The following FSTL4 variants were observed in gnomAD, a reference collection of about 807,000 sequenced individuals.
The protein encoded by FSTL4 is follistatin like 4, also known as follistatin-related protein 4.
A neutral mutation model predicts 78.2 loss-of-function variants in FSTL4; 28 were observed. The ratio of observed to expected loss-of-function variants is 0.36; its 90% CI spans 0.27 to 0.49. The LOEUF is 0.49. FSTL4 is among the 20% of genes least tolerant of loss of function. The probability of loss-of-function intolerance (pLI) is 0.98; values close to 1 mark genes in which losing one functional copy is unlikely to be tolerated. For synonymous variants in FSTL4, 422 were observed against 440.5 expected, an observed-to-expected ratio of 0.96 and a Z score of 0.53; for missense variants, 922 against 1,084.9, an observed-to-expected ratio of 0.85 and a Z score of 2.11.
intron 2 of FSTL4, among the ~76,000 whole-genome samples, chr5:133,601,942 T>A (rs1182121650): frequency 6.6e-6 from 1 of 151,830 alleles, no homozygotes; most frequent in Non-Finnish European, 1.5e-5. Context: ...CCTCGGCCTC[T>A]CAAACTGCTT....
At chr5:133,449,403 T>C (rs1052156544) in intron 3 of FSTL4, among the ~76,000 whole-genome samples, 5 of 152,218 alleles carry the variant, frequency 3.3e-5, no homozygotes, top group African/African-American at 1.2e-4. Context: ...GAGGCTGGCA[T>C]GACACTGTCA....
chr5:133,414,681 G>A (rs1756542204), intron 3 of FSTL4, among the ~76,000 whole-genome samples: 1 of 152,226 alleles, frequency 6.6e-6, no homozygotes, highest in Non-Finnish European at 1.5e-5. Context: ...GCAAAAGTCA[G>A]ATTATGACTT....
At chr5:133,378,762 C>T (rs1580662138) in intron 4 of FSTL4, among the ~76,000 whole-genome samples, 1 of 151,962 alleles carries the variant, frequency 6.6e-6, no homozygotes, top group Non-Finnish European at 1.5e-5. Flanking sequence ...TAAAAACACC[C>T]TCCAAAAATG....
chr5:133,684,248 G>C, the FSTL4 span, among the ~76,000 whole-genome samples: 1 of 152,258 alleles, frequency 6.6e-6, no homozygotes. Flanking sequence ...TGCTCACCTT[G>C]TCTGGGCAGC....
chr5:133,320,735 T>C (rs372510468), intron 4 of FSTL4, among the ~76,000 whole-genome samples: 143 of 152,120 alleles, frequency 9.4e-4, no homozygotes, highest in Middle Eastern at 3.4e-3. Flanking sequence ...TGGCTGGGCG[T>C]GGTGGCTCAC....
At chr5:133,490,132 TG>T (rs1277348730) in intron 3 of FSTL4, among the ~76,000 whole-genome samples, 4 of 146,276 alleles carry the variant, frequency 2.7e-5, no homozygotes, top group Non-Finnish European at 4.6e-5. Context: ...TTTGCCTCAT[TG>T]TTTTTTTTTT....
the FSTL4 span, among the ~76,000 whole-genome samples, chr5:133,760,019 C>G: frequency 1.3e-5 from 2 of 152,202 alleles, no homozygotes; most frequent in Non-Finnish European, 2.9e-5. Flanking sequence ...CCACTTCATC[C>G]CTACCCGGCT....
the FSTL4 span, among the ~76,000 whole-genome samples, chr5:133,682,321 A>AT: frequency 1.3e-5 from 2 of 152,174 alleles, no homozygotes; most frequent in African/African-American, 4.8e-5. Context: ...CAATCCCCCT[A>AT]GTCTGTCCCA....
intron 3 of FSTL4, among the ~76,000 whole-genome samples, chr5:133,518,940 A>G (rs755521827): frequency 6.6e-5 from 10 of 152,364 alleles, no homozygotes; most frequent in African/African-American, 9.6e-5. Context: ...TTAAATTAAC[A>G]ATAATCTTTG....
intron 4 of FSTL4, among the ~76,000 whole-genome samples, chr5:133,344,241 C>A (rs1043604813): frequency 6.6e-6 from 1 of 152,192 alleles, no homozygotes; most frequent in African/African-American, 2.4e-5. Context: ...AATTAAACAC[C>A]TTTCTTGCCC....
the FSTL4 span, among the ~76,000 whole-genome samples, chr5:133,678,913 C>G: frequency 6.6e-6 from 1 of 152,204 alleles, no homozygotes; most frequent in Non-Finnish European, 1.5e-5. Flanking sequence ...TGGCAGGATA[C>G]GGACAGAGAA....
chr5:133,561,088 CAAAATAATAA>C (rs1759902309), intron 3 of FSTL4, among the ~76,000 whole-genome samples: 1 of 117,734 alleles, frequency 8.5e-6, no homozygotes, highest in Admixed American at 9.2e-5. Context: ...CACTCGGACT[CAAAATAATAA>C]TAATAATAAT....
chr5:133,505,842 T>C (rs1292330071), intron 3 of FSTL4, among the ~76,000 whole-genome samples: 3 of 152,212 alleles, frequency 2.0e-5, no homozygotes, highest in African/African-American at 2.4e-5. Flanking sequence ...GGGTTACATA[T>C]CAACATCTGG....
At chr5:133,512,432 A>C (rs1758754368) in intron 3 of FSTL4, among the ~76,000 whole-genome samples, 1 of 152,224 alleles carries the variant, frequency 6.6e-6, no homozygotes, top group South Asian at 2.1e-4. Context: ...GGAGATTTGG[A>C]GTTGAAAATC....
At chr5:133,412,782 T>C (rs1756504034) in intron 3 of FSTL4, among the ~76,000 whole-genome samples, 1 of 152,098 alleles carries the variant, frequency 6.6e-6, no homozygotes, top group Admixed American at 6.6e-5. Flanking sequence ...CTATGCAGTA[T>C]GTTGTTTTCC....
the FSTL4 span, among the ~76,000 whole-genome samples, chr5:133,721,546 G>T: frequency 6.6e-6 from 1 of 152,118 alleles, no homozygotes; most frequent in Non-Finnish European, 1.5e-5. Flanking sequence ...GCTTTGCTGG[G>T]TATAGTATTC....
chr5:133,242,609 C>T (rs1751907964), intron 7 of FSTL4, among the ~76,000 whole-genome samples: 1 of 152,154 alleles, frequency 6.6e-6, no homozygotes, highest in Non-Finnish European at 1.5e-5. Flanking sequence ...AGAGGAGACA[C>T]TTGGCAGGGC....
At chr5:133,583,346 G>T (rs527771048) in intron 2 of FSTL4, 1 of 270,306 alleles carries the variant, frequency 3.7e-6, no homozygotes, top group Admixed American at 4.5e-5. Flanking sequence ...CAGCGTGAGC[G>T]ACGCAGAAGA....
rs375355214 is a variant in FSTL4, at chr5:133,527,802, T to G, written c.160+39384A>C. ...CAGCAGGGTGCCTGGCCCAGACAGC[T>G]ATGTCAATTCTGGGCCCAGACAAAA... On this transcript the variant is annotated intron_variant, in intron 3 of 15. Transcript: ENST00000265342. Among the ~76,000 whole-genome samples the G allele has an allele frequency of 5.9e-5, 9 of 152,178 alleles. No homozygotes were observed. In the East Asian group the frequency reaches 9.6e-4, roughly 16 times the overall value.
Sources: gnomAD v4.1 joint callset for allele counts (sites outside exome capture counted in the v4.1 genomes callset) on GRCh38, gnomAD v4.1.1 for gene constraint, MANE v1.5 for transcripts, NCBI Gene and HGNC (gene_info 2026-07-23, HGNC 2026-07-21) for gene names.